ARHGAP28: variants seen among roughly 807,000 people sequenced by gnomAD.
ARHGAP28 encodes the protein Rho GTPase activating protein 28.
ARHGAP28 carries 56 observed loss-of-function variants against 90.7 expected under a neutral mutation model. The ratio of observed to expected loss-of-function variants is 0.62; its 90% CI spans 0.50 to 0.77. The LOEUF (loss-of-function observed/expected upper bound fraction) is 0.77. Ranked by LOEUF, ARHGAP28 falls within the 30% of genes least tolerant of loss-of-function variation. ARHGAP28 has a pLI of 0.00. For synonymous variants in ARHGAP28, 308 were observed against 323.3 expected (o/e 0.95, Z 0.51); for missense variants, 869 against 900.9 (o/e 0.96, Z 0.45).
chr18:6,912,030 C>G (rs1217094134), intron 17 of ARHGAP28, 30 bp from the exon 18 acceptor site: 8 of 1,460,300 alleles, frequency 5.5e-6, no homozygotes, highest in African/African-American at 1.4e-5. Flanking sequence ...CAAATGTACA[C>G]TAATTCTCTG....
intron 12 of ARHGAP28, among the ~76,000 whole-genome samples, chr18:6,889,512 T>A (rs184735980): frequency 6.9e-4 from 105 of 152,358 alleles, no homozygotes; most frequent in African/African-American, 2.1e-3. Flanking sequence ...TCAGAATTAC[T>A]TTTCTTCCTT....
intron 1 of ARHGAP28, among the ~76,000 whole-genome samples, chr18:6,801,310 T>C (rs897226346): frequency 1.3e-5 from 2 of 152,198 alleles, no homozygotes; most frequent in Non-Finnish European, 2.9e-5. Context: ...TTGTTGAAAA[T>C]TAATTAACAA....
At chr18:6,880,802 C>T (rs2057171994) in intron 10 of ARHGAP28, among the ~76,000 whole-genome samples, 1 of 152,186 alleles carries the variant, frequency 6.6e-6, no homozygotes, top group Non-Finnish European at 1.5e-5. Flanking sequence ...ATAGCATGTG[C>T]ACTCTAAATG....
chr18:6,828,108 G>A (rs112268193), intron 2 of ARHGAP28, among the ~76,000 whole-genome samples: 2 of 152,192 alleles, frequency 1.3e-5, no homozygotes, highest in Non-Finnish European at 1.5e-5. Flanking sequence ...CGGCACCTTG[G>A]GAGGCCGAGG....
In ARHGAP28 at chr18:6,912,226, A is replaced by G; in HGVS notation, c.*72A>G. The G allele has an allele frequency of 1.1e-6, 1 of 871,906 alleles. No individual in the cohort carries two copies. The highest frequency in any genetic ancestry group is 1.8e-6 in the Non-Finnish European group (1 of 560,216). 54.0% of individuals were successfully genotyped at this position (871,906 alleles called of 1,614,324 possible). A position where few individuals can be genotyped will look rare whatever the true frequency, so the allele number is the denominator to read the frequency against. Reference sequence around the variant, plus strand: ...CCTACATTTTGGTAGGGAAAAAACAACACTGTGTTTGACGTATTTGTTCCT... The same window carrying G: ...CCTACATTTTGGTAGGGAAAAAACAGCACTGTGTTTGACGTATTTGTTCCT... On this transcript the variant is annotated 3_prime_UTR_variant, in exon 18 of 18. Coordinates refer to ENST00000383472, the MANE Select transcript of ARHGAP28 (RefSeq NM_001366230.1).
chr18:6,771,322 G>GTT (rs1453646464), intron 1 of ARHGAP28, among the ~76,000 whole-genome samples: 1 of 152,150 alleles, frequency 6.6e-6, no homozygotes, highest in Non-Finnish European at 1.5e-5. Flanking sequence ...TGGTATTACA[G>GTT]TTATAAGCCA....
intron 1 of ARHGAP28, among the ~76,000 whole-genome samples, chr18:6,804,295 C>G (rs565783100): frequency 1.3e-5 from 2 of 152,290 alleles, no homozygotes; most frequent in East Asian, 3.9e-4. Context: ...TATCACCTCT[C>G]TCATTGCTGG....
intron 3 of ARHGAP28, among the ~76,000 whole-genome samples, chr18:6,839,418 C>T (rs539949613): frequency 6.9e-4 from 105 of 152,026 alleles, no homozygotes; most frequent in Non-Finnish European, 1.3e-3. Context: ...CTCAGCCTCC[C>T]GAGTAACTGG....
chr18:6,862,884 T>G (rs1473475518), intron 5 of ARHGAP28, among the ~76,000 whole-genome samples: 1 of 152,204 alleles, frequency 6.6e-6, no homozygotes, highest in African/African-American at 2.4e-5. Context: ...TTTTCACACA[T>G]ACTAGTTTGC....
intron 1 of ARHGAP28, among the ~76,000 whole-genome samples, chr18:6,805,161 G>A (rs953450282): frequency 6.6e-6 from 1 of 152,032 alleles, no homozygotes; most frequent in Non-Finnish European, 1.5e-5. Flanking sequence ...ATCTTTTACT[G>A]TAATTTTGGT....
intron 16 of ARHGAP28, among the ~76,000 whole-genome samples, chr18:6,908,060 A>G (rs1033965059): frequency 1.3e-5 from 2 of 152,166 alleles, no homozygotes; most frequent in African/African-American, 4.8e-5. Context: ...TAGGGTGGAA[A>G]AATTAAATTG....
At chr18:6,739,509 T>A (rs1266515807) in intron 1 of ARHGAP28, among the ~76,000 whole-genome samples, 2 of 150,830 alleles carry the variant, frequency 1.3e-5, no homozygotes, top group Non-Finnish European at 3.0e-5. Context: ...ATATATTTCA[T>A]ATATATATTA....
At chr18:6,778,152 T>A (rs1464599523) in intron 1 of ARHGAP28, among the ~76,000 whole-genome samples, 3 of 152,226 alleles carry the variant, frequency 2.0e-5, no homozygotes. Flanking sequence ...TGTGTATAAC[T>A]CATTCATAAT....
intron 1 of ARHGAP28, among the ~76,000 whole-genome samples, chr18:6,732,491 C>G (rs867264161): frequency 3.5e-4 from 53 of 152,030 alleles, no homozygotes; most frequent in African/African-American, 7.2e-4. Flanking sequence ...GGATTTTTAG[C>G]TAACCATTTA....
intron 2 of ARHGAP28, among the ~76,000 whole-genome samples, chr18:6,831,922 G>A (rs2056719735): frequency 6.6e-6 from 1 of 152,026 alleles, no homozygotes; most frequent in African/African-American, 2.4e-5. Flanking sequence ...TGGCAGTAAT[G>A]TGAATGGGTG....
intron 1 of ARHGAP28, among the ~76,000 whole-genome samples, chr18:6,758,319 C>T (rs563232603): frequency 6.6e-6 from 1 of 151,878 alleles, no homozygotes. Context: ...AGATTCTGCT[C>T]TGGAGTCTGG....
chr18:6,865,044 G>T (rs2057028208), intron 5 of ARHGAP28, among the ~76,000 whole-genome samples: 1 of 151,984 alleles, frequency 6.6e-6, no homozygotes, highest in Non-Finnish European at 1.5e-5. Flanking sequence ...ATTTAATTGT[G>T]CCTATTTTTT....
intron 11 of ARHGAP28, among the ~76,000 whole-genome samples, chr18:6,884,606 GT>G (rs2057206012): frequency 1.3e-5 from 2 of 152,192 alleles, no homozygotes. Context: ...TAAGCCGGCA[GT>G]TTGCTTGACT....
At chr18:6,847,746 G>A (rs1044643732) in intron 3 of ARHGAP28, among the ~76,000 whole-genome samples, 1 of 152,152 alleles carries the variant, frequency 6.6e-6, no homozygotes, top group Non-Finnish European at 1.5e-5. Flanking sequence ...GTTTGCCCAT[G>A]GGTGAGGGAT....
Sources: allele counts gnomAD v4.1 joint callset (sites outside exome capture counted in the v4.1 genomes callset), GRCh38; gene constraint gnomAD v4.1.1; transcripts MANE v1.5; gene names NCBI Gene and HGNC (gene_info 2026-07-23, HGNC 2026-07-21).